The following ADRA1B variants were observed in gnomAD, a reference collection of about 807,000 sequenced individuals.
ADRA1B encodes alpha-1B adrenergic receptor.
ADRA1B carries 17 observed loss-of-function variants against 17.9 expected under a neutral mutation model. That is an observed-to-expected ratio of 0.95 (90% CI 0.65 to 1.42). The LOEUF (loss-of-function observed/expected upper bound fraction) is 1.42. Ranked by LOEUF, ADRA1B falls within the 40% of genes most tolerant of loss-of-function variation. ADRA1B has a pLI of 0.00. For synonymous variants in ADRA1B, 366 were observed against 327.6 expected (o/e 1.12, Z -1.27); for missense variants, 681 against 722.1 (o/e 0.94, Z 0.65).
chr5:159,879,923 G>A (rs978641880), intron 1 of ADRA1B, among the ~76,000 whole-genome samples: 5 of 152,146 alleles, frequency 3.3e-5, no homozygotes, highest in Admixed American at 6.5e-5. Flanking sequence ...ATGAACCTGG[G>A]AGGAGGAGGT....
chr5:159,939,322 T>TGTGTGC (rs1554090928), intron 1 of ADRA1B, among the ~76,000 whole-genome samples: 1 of 107,666 alleles, frequency 9.3e-6, no homozygotes, highest in Non-Finnish European at 1.9e-5. Flanking sequence ...TGTGTGTGTG[T>TGTGTGC]GCGCGCGCGC....
chr5:159,937,447 G>GTT (rs60153715), intron 1 of ADRA1B, among the ~76,000 whole-genome samples: 53 of 145,952 alleles, frequency 3.6e-4, no homozygotes, highest in East Asian at 1.2e-3. Flanking sequence ...TTGTTTTTTT[G>GTT]TTTTTTTTTT....
At chr5:159,914,000 A>G (rs1182095693), upstream of ADRA1B, among the ~76,000 whole-genome samples, 1 of 152,112 alleles carries the variant, frequency 6.6e-6, no homozygotes, top group East Asian at 1.9e-4. Context: ...AAGCCCCATT[A>G]TCTTAGACTT....
chr5:159,928,543 A>G (rs984557574), intron 1 of ADRA1B, among the ~76,000 whole-genome samples: 17 of 151,970 alleles, frequency 1.1e-4, no homozygotes, highest in Non-Finnish European at 2.4e-4. Context: ...TTCCTCCTAG[A>G]GCCCCATTTA....
upstream of ADRA1B, among the ~76,000 whole-genome samples, chr5:159,915,857 A>T (rs1561589043): frequency 6.6e-6 from 1 of 152,218 alleles, no homozygotes; most frequent in Non-Finnish European, 1.5e-5. Flanking sequence ...ACGCTCCTAT[A>T]GGGCAGGAGT....
upstream of ADRA1B, among the ~76,000 whole-genome samples, chr5:159,912,144 T>C (rs1754232953): frequency 6.6e-6 from 1 of 152,202 alleles, no homozygotes; most frequent in Non-Finnish European, 1.5e-5. Flanking sequence ...GCTGAGCACT[T>C]TACACACATT....
At chr5:159,979,245 G>GAATAAA in the ADRA1B span, among the ~76,000 whole-genome samples, 1 of 152,200 alleles carries the variant, frequency 6.6e-6, no homozygotes, top group Non-Finnish European at 1.5e-5. Flanking sequence ...TAGAACCATA[G>GAATAAA]AATCAGCTAG....
At chr5:159,884,661 G>A (rs934641811) in intron 1 of ADRA1B, among the ~76,000 whole-genome samples, 3 of 152,202 alleles carry the variant, frequency 2.0e-5, no homozygotes, top group African/African-American at 7.2e-5. Flanking sequence ...AAAAATGGGA[G>A]TGGTTTTTCA....
At position 159,876,903 on chromosome 5, in the gene ADRA1B, C is replaced by T. The variant is rs149009712; in HGVS notation, c.-256+11697C>T. ...CTCCCTTTCACCGTTAGGGGCCTGG[C>T]GCTTGTGTTTCAGGTACTTGCCTGG... On this transcript the variant is annotated intron_variant, in intron 1 of 2. Transcript: ENST00000641205. 2.9e-3 allele frequency among the ~76,000 whole-genome samples: 439 copies of T among 152,278 alleles called. 3 individuals are homozygous for T. The highest frequency in any genetic ancestry group is 5.2e-3 in the Non-Finnish European group (354 of 68,010).
At chr5:159,941,871 G>A (rs996586305) in intron 1 of ADRA1B, among the ~76,000 whole-genome samples, 1 of 151,480 alleles carries the variant, frequency 6.6e-6, no homozygotes, top group Non-Finnish European at 1.5e-5. Context: ...TGTTCGCAGA[G>A]ACTGAGGAGA....
chr5:159,879,693 A>C (rs1340887511), intron 1 of ADRA1B, among the ~76,000 whole-genome samples: 2 of 152,074 alleles, frequency 1.3e-5, no homozygotes, highest in Non-Finnish European at 2.9e-5. Context: ...CTCGGTGTTT[A>C]AGCTTAAAAT....
intron 1 of ADRA1B, among the ~76,000 whole-genome samples, chr5:159,919,906 C>T (rs1236919067): frequency 6.6e-6 from 1 of 152,176 alleles, no homozygotes; most frequent in Non-Finnish European, 1.5e-5. Context: ...ACAGAGTTCC[C>T]ATTTGAGCTT....
chr5:159,951,987 A>G (rs1172205889), intron 1 of ADRA1B, among the ~76,000 whole-genome samples: 2 of 152,174 alleles, frequency 1.3e-5, no homozygotes, highest in African/African-American at 4.8e-5. Flanking sequence ...TGGAGATGGC[A>G]AAAGGATGAC....
At position 159,962,734 on chromosome 5, in the gene ADRA1B, G is replaced by A. The variant is rs1173902071; in HGVS notation, c.950-9145G>A. Among the ~76,000 whole-genome samples the A allele has an allele frequency of 4.8e-4, 69 of 144,488 alleles. 1 individual carries two copies. The highest frequency in any genetic ancestry group is 7.0e-4 in the Admixed American group (10 of 14,328). 94.8% of individuals were successfully genotyped at this position (144,488 alleles called of 152,430 possible). ...TGCCCAGCCTGGAATGCAGTGATGC[G>A]ATCATAGCTCACTTCAGCCTCAACC... is the stretch of plus-strand genomic sequence containing the variant. On this transcript the variant is annotated intron_variant, in intron 1 of 1. Coordinates refer to ENST00000306675, the MANE Select transcript of ADRA1B (RefSeq NM_000679.4).
the ADRA1B span, among the ~76,000 whole-genome samples, chr5:159,981,663 T>A: frequency 6.6e-6 from 1 of 152,120 alleles, no homozygotes; most frequent in Non-Finnish European, 1.5e-5. Context: ...GCCCAGCTTA[T>A]TTTTTCTATT....
intron 1 of ADRA1B, among the ~76,000 whole-genome samples, chr5:159,921,930 T>G (rs755330275): frequency 5.9e-5 from 9 of 152,228 alleles, no homozygotes; most frequent in Non-Finnish European, 1.3e-4. Flanking sequence ...GGATTTGAGT[T>G]GCCCACAAAT....
chr5:159,875,046 C>A (rs1297996345), intron 1 of ADRA1B, among the ~76,000 whole-genome samples: 1 of 152,092 alleles, frequency 6.6e-6, no homozygotes, highest in Non-Finnish European at 1.5e-5. Context: ...GAAATTGCAT[C>A]AAAACTCCTA....
chr5:159,971,489 G>A (rs1755864407), intron 1 of ADRA1B, among the ~76,000 whole-genome samples: 2 of 152,206 alleles, frequency 1.3e-5, no homozygotes, highest in Admixed American at 6.5e-5. Context: ...GACGTTTTGT[G>A]AAGGATAAAC....
intron 1 of ADRA1B, among the ~76,000 whole-genome samples, chr5:159,924,459 G>A (rs1754585868): frequency 1.3e-5 from 2 of 152,192 alleles, no homozygotes; most frequent in South Asian, 4.1e-4. Context: ...AAAACGGGAG[G>A]GAGGAAGGAA....
Sources: gnomAD v4.1 joint callset for allele counts (sites outside exome capture counted in the v4.1 genomes callset) on GRCh38, gnomAD v4.1.1 for gene constraint, MANE v1.5 for transcripts, NCBI Gene and HGNC (gene_info 2026-07-23, HGNC 2026-07-21) for gene names.